Variants in C12orf42 observed in about 807,000 individuals in gnomAD.
The protein encoded by C12orf42 is chromosome 12 open reading frame 42, also known as uncharacterized protein C12orf42.
In C12orf42, 25 loss-of-function variants were observed where a neutral mutation model predicts 21.6. The observed-to-expected ratio is 1.16, with a 90% CI of 0.84 to 1.62. The LOEUF (loss-of-function observed/expected upper bound fraction) is 1.62, where lower values mean the gene tolerates loss of function less well. Among genes scored for constraint, C12orf42 ranks in the 40% most tolerant of loss-of-function variants. The pLI is 0.00. For synonymous variants in C12orf42, 174 were observed against 175.0 expected, an observed-to-expected ratio of 0.99 and a Z score of 0.05; for missense variants, 483 against 459.3, an observed-to-expected ratio of 1.05 and a Z score of -0.47.
chr12:103,146,560 AAAAGAAAGAAAG>A, the C12orf42 span, among the ~76,000 whole-genome samples: 375 of 120,038 alleles, frequency 3.1e-3, no homozygotes, highest in African/African-American at 9.2e-3. Context: ...ATAAAGAAAG[AAAAGAAAGAAAG>A]AAAGAAAGAA....
chr12:103,181,139 G>A, the C12orf42 span, among the ~76,000 whole-genome samples: 1 of 151,984 alleles, frequency 6.6e-6, no homozygotes, highest in African/African-American at 2.4e-5. Context: ...GCACACACCT[G>A]TAGTCCCAGC....
chr12:103,525,289 C>G, the C12orf42 span, among the ~76,000 whole-genome samples: 1 of 152,126 alleles, frequency 6.6e-6, no homozygotes, highest in Non-Finnish European at 1.5e-5. Flanking sequence ...CTGTGCCTCC[C>G]AAAGTAGTAG....
intron 2 of C12orf42, among the ~76,000 whole-genome samples, chr12:103,406,513 A>G (rs1445446214): frequency 3.3e-5 from 5 of 152,204 alleles, no homozygotes; most frequent in South Asian, 2.1e-4. Flanking sequence ...CTAATGATCT[A>G]TGTTTCCCAA....
the C12orf42 span, among the ~76,000 whole-genome samples, chr12:103,207,169 C>T: frequency 6.6e-6 from 1 of 152,202 alleles, no homozygotes; most frequent in East Asian, 1.9e-4. Flanking sequence ...GTTGCTCCCT[C>T]CACCTGAGTG....
At chr12:103,356,988 C>T (rs1395774798) in intron 4 of C12orf42, among the ~76,000 whole-genome samples, 1 of 151,854 alleles carries the variant, frequency 6.6e-6, no homozygotes, top group East Asian at 1.9e-4. Context: ...GAGTTCATGT[C>T]CTTTGTAGGG....
intron 1 of C12orf42, among the ~76,000 whole-genome samples, chr12:103,494,598 C>CA (rs1955394341): frequency 6.6e-6 from 1 of 151,158 alleles, no homozygotes; most frequent in Admixed American, 6.6e-5. Flanking sequence ...GTAATGGTTT[C>CA]AAAAAACACC....
the C12orf42 span, among the ~76,000 whole-genome samples, chr12:103,109,239 T>C: frequency 6.6e-6 from 1 of 152,120 alleles, no homozygotes; most frequent in Non-Finnish European, 1.5e-5. Flanking sequence ...GGCATACTAG[T>C]AGACAAACAG....
chr12:103,138,441 G>A, the C12orf42 span, among the ~76,000 whole-genome samples: 1 of 152,132 alleles, frequency 6.6e-6, no homozygotes, highest in Non-Finnish European at 1.5e-5. Flanking sequence ...GTGAAGACAT[G>A]CTTGCTTCCC....
the C12orf42 span, among the ~76,000 whole-genome samples, chr12:103,094,154 T>C: frequency 8.5e-5 from 13 of 152,234 alleles, no homozygotes; most frequent in African/African-American, 2.9e-4. Flanking sequence ...CAGGTTTTTA[T>C]GACCATCTTA....
chr12:103,440,414 A>G (rs1458065537), intron 2 of C12orf42, among the ~76,000 whole-genome samples: 1 of 146,324 alleles, frequency 6.8e-6, no homozygotes, highest in Non-Finnish European at 1.5e-5. Flanking sequence ...ATAATAAAAA[A>G]ATAAAATAAA....
chr12:103,108,540 T>C, the C12orf42 span, among the ~76,000 whole-genome samples: 1 of 151,966 alleles, frequency 6.6e-6, no homozygotes, highest in Non-Finnish European at 1.5e-5. Context: ...AAATGGTAAT[T>C]TGAAAAAACA....
the C12orf42 span, among the ~76,000 whole-genome samples, chr12:103,230,166 A>G: frequency 6.6e-6 from 1 of 151,486 alleles, no homozygotes; most frequent in Non-Finnish European, 1.5e-5. Flanking sequence ...AACCAGAAGT[A>G]TGGGCACAGC....
At chr12:103,217,530 CA>C in the C12orf42 span, among the ~76,000 whole-genome samples, 15,521 of 77,926 alleles carry the variant, frequency 0.2, 1,083 homozygotes, top group African/African-American at 0.33. Flanking sequence ...GACCCTGTCT[CA>C]AAAAAAAAAA....
At chr12:103,440,469 A>AAAG (rs1377567361) in intron 2 of C12orf42, among the ~76,000 whole-genome samples, 3 of 146,166 alleles carry the variant, frequency 2.1e-5, no homozygotes, top group South Asian at 2.1e-4. Context: ...AAAAAAAAAA[A>AAAG]AAAAAAAAAA....
chr12:103,497,971 G>T (rs138013250), upstream of C12orf42, among the ~76,000 whole-genome samples: 1,000 of 152,112 alleles, frequency 6.6e-3, 15 homozygotes, highest in African/African-American at 0.023. Flanking sequence ...TGAGGCAGAG[G>T]TTGCAGTGAG....
At position 103,480,553 on chromosome 12, in the gene C12orf42, T is replaced by C. The variant is rs547491818; in HGVS notation, c.-21-2106A>G. On this transcript the variant is annotated intron_variant, in intron 1 of 5. Coordinates refer to ENST00000548883, the MANE Select transcript of C12orf42 (RefSeq NM_198521.5). ...TTCACTGTTTAGTCTTCTTTTCTAATGTATTTAAATAAGTGTATTTTCTTC... is the reference window on the plus strand; with the variant it reads ...TTCACTGTTTAGTCTTCTTTTCTAACGTATTTAAATAAGTGTATTTTCTTC... Among the ~76,000 whole-genome samples the C allele has an allele frequency of 7.2e-5, 11 of 151,784 alleles. No individual in the cohort carries two copies. The East Asian group carries it at 1.9e-3, about 27-fold the overall frequency.
At chr12:103,240,319 T>C (rs543652060) in intron 10 of C12orf42, among the ~76,000 whole-genome samples, 1 of 152,236 alleles carries the variant, frequency 6.6e-6, no homozygotes, top group South Asian at 2.1e-4. Context: ...GATAAGACCA[T>C]ACAAGGGCAC....
At chr12:103,515,502 T>G in the C12orf42 span, among the ~76,000 whole-genome samples, 18 of 152,212 alleles carry the variant, frequency 1.2e-4, no homozygotes, top group African/African-American at 4.1e-4. Flanking sequence ...AGTTGTATAA[T>G]TAAGTGATAA....
chr12:103,394,043 A>G (rs1169824947), intron 3 of C12orf42, among the ~76,000 whole-genome samples: 3 of 152,176 alleles, frequency 2.0e-5, no homozygotes, highest in Non-Finnish European at 4.4e-5. Context: ...ATGAATGGAC[A>G]CTTTTTCTTT....
Sources: allele counts gnomAD v4.1 joint callset (sites outside exome capture counted in the v4.1 genomes callset), GRCh38; gene constraint gnomAD v4.1.1; transcripts MANE v1.5; gene names NCBI Gene and HGNC (gene_info 2026-07-23, HGNC 2026-07-21).